CDHR3: variants seen among roughly 807,000 people sequenced by gnomAD.
CDHR3 encodes cadherin related family member 3, also known as cadherin-related family member 3.
In CDHR3, 79 loss-of-function variants were observed where a neutral mutation model predicts 86.6. That is an observed-to-expected ratio of 0.91 (90% CI 0.76 to 1.10). The LOEUF is 1.10. Among genes scored for constraint, CDHR3 ranks in the 50% least tolerant of loss-of-function variants. CDHR3 has a pLI of 0.00. For missense variants in CDHR3, 1,081 were observed against 1,077.6 expected (o/e 1.00, Z -0.04); for synonymous variants, 421 against 402.4 (o/e 1.05, Z -0.55).
chr7:106,005,542 C>T (rs899070564), intron 8 of CDHR3, among the ~76,000 whole-genome samples: 1 of 152,158 alleles, frequency 6.6e-6, no homozygotes, highest in African/African-American at 2.4e-5. Context: ...AAGAGACAGC[C>T]CTGTATCTGG....
At chr7:106,017,578 C>G (rs1173682508) in intron 11 of CDHR3, among the ~76,000 whole-genome samples, 1 of 150,776 alleles carries the variant, frequency 6.6e-6, no homozygotes, top group African/African-American at 2.5e-5. Context: ...CACACACACA[C>G]ACACACACAC....
chr7:105,983,738 T>A (rs1168004060), intron 3 of CDHR3, among the ~76,000 whole-genome samples: 1 of 152,176 alleles, frequency 6.6e-6, no homozygotes, highest in Non-Finnish European at 1.5e-5. Flanking sequence ...CACTGTAAGA[T>A]CCCTCATTTC....
intron 6 of CDHR3, 98 bp downstream of exon 6, chr7:105,996,452 C>T (rs1231062342): frequency 8.0e-6 from 5 of 624,712 alleles, no homozygotes; most frequent in Middle Eastern, 3.7e-4. Context: ...CAGAGGGATG[C>T]CCTTTGCTGT....
chr7:106,025,810 C>T (rs543092463), intron 15 of CDHR3, among the ~76,000 whole-genome samples: 1 of 152,216 alleles, frequency 6.6e-6, no homozygotes, highest in South Asian at 2.1e-4. Context: ...GTAAGAAATC[C>T]TCGAGCATCT....
chr7:105,980,139 T>C (rs1829410675), intron 2 of CDHR3, among the ~76,000 whole-genome samples: 1 of 152,244 alleles, frequency 6.6e-6, no homozygotes, highest in African/African-American at 2.4e-5. Flanking sequence ...TAAGTAAATA[T>C]CATTACTTAC....
intron 10 of CDHR3, 148 bp downstream of exon 10, chr7:106,015,361 A>C: frequency 1.6e-6 from 1 of 628,602 alleles, no homozygotes; most frequent in Non-Finnish European, 2.7e-6. Context: ...GCTGAATTAC[A>C]ACACTTAAGA....
At chr7:106,007,592 A>AAG (rs1563277877) in intron 8 of CDHR3, among the ~76,000 whole-genome samples, 1 of 152,212 alleles carries the variant, frequency 6.6e-6, no homozygotes, top group Non-Finnish European at 1.5e-5. Flanking sequence ...AAAACATAAC[A>AAG]AGAGTCACCT....
chr7:105,999,294 G>A (rs1585680258), intron 6 of CDHR3, among the ~76,000 whole-genome samples: 1 of 152,222 alleles, frequency 6.6e-6, no homozygotes, highest in East Asian at 1.9e-4. Flanking sequence ...TGTCAGGTTA[G>A]CCAAGGAGAG....
chr7:105,996,132 C>G (rs373294364), intron 5 of CDHR3, 118 bp from the exon 6 acceptor site: 243 of 611,224 alleles, frequency 4.0e-4, no homozygotes, highest in African/African-American at 3.9e-3. Context: ...TACGGAGAGG[C>G]TCACCACCAA....
At chr7:106,014,295 C>A (rs1350802529) in intron 9 of CDHR3, among the ~76,000 whole-genome samples, 1 of 152,094 alleles carries the variant, frequency 6.6e-6, no homozygotes, top group African/African-American at 2.4e-5. Context: ...GTTCCAAGAC[C>A]CCTAGTGAAT....
chr7:106,017,763 A>G lies in CDHR3; in HGVS notation c.1427-83A>G, dbSNP rs1049669792. On this transcript the variant is annotated intron_variant, in intron 11 of 18. Transcript: ENST00000317716. Reference sequence around the variant, plus strand: ...GAGGCCTCCAGAAGTCCTTCTTACCATGGCAGTTAGGACATCTGTTCCTGA... The same window carrying G: ...GAGGCCTCCAGAAGTCCTTCTTACCGTGGCAGTTAGGACATCTGTTCCTGA... 7.0e-6 allele frequency: 8 copies of G among 1,136,126 alleles called. No individual in the cohort carries two copies. In the East Asian group the frequency reaches 7.8e-5, roughly 11 times the overall value. 70.4% of individuals were successfully genotyped at this position (1,136,126 alleles called of 1,614,324 possible).
At chr7:106,005,777 G>C (rs1171097335) in intron 8 of CDHR3, among the ~76,000 whole-genome samples, 1 of 152,122 alleles carries the variant, frequency 6.6e-6, no homozygotes, top group Non-Finnish European at 1.5e-5. Flanking sequence ...GTCCCAAATG[G>C]CATGCCCAGT....
intron 4 of CDHR3, among the ~76,000 whole-genome samples, chr7:105,992,287 C>T (rs1454779553): frequency 1.3e-5 from 2 of 152,180 alleles, no homozygotes; most frequent in African/African-American, 4.8e-5. Flanking sequence ...AATCTCCTCC[C>T]CAACCCATGA....
intron 17 of CDHR3, among the ~76,000 whole-genome samples, chr7:106,028,930 T>TTCTC (rs780842066): frequency 5.1e-4 from 62 of 121,046 alleles, no homozygotes; most frequent in Non-Finnish European, 9.0e-4. Flanking sequence ...CTTTCTTTCT[T>TTCTC]TCTTTCTTTC....
intron 17 of CDHR3, 77 bp downstream of exon 17, chr7:106,028,659 G>A (rs2115916924): frequency 6.6e-7 from 1 of 1,513,112 alleles, no homozygotes; most frequent in South Asian, 1.1e-5. Context: ...AGGCAGGCCT[G>A]CCACAGCCTT....
intron 1 of CDHR3, among the ~76,000 whole-genome samples, chr7:105,969,013 G>A (rs976841776): frequency 6.0e-5 from 9 of 149,498 alleles, no homozygotes; most frequent in African/African-American, 2.2e-4. Flanking sequence ...GCATGTACCC[G>A]GGAGGCGGAG....
rs970801434 is a variant in CDHR3, at chr7:106,031,967, C to T, written c.2354-426C>T. Among the ~76,000 whole-genome samples the T allele has an allele frequency of 3.3e-5, 5 of 152,294 alleles. No individual in the cohort carries two copies. In the East Asian group the frequency reaches 9.7e-4, roughly 29 times the overall value. ...AAATAAAAATCAGCCTTTTCCTTCT[C>T]ACTTGGTGAATTCCTTTTTATAGCA... On this transcript the variant is annotated intron_variant, in intron 18 of 18. Transcript: ENST00000317716.
At chr7:106,010,542 T>C (rs563980510) in intron 8 of CDHR3, among the ~76,000 whole-genome samples, 3 of 152,306 alleles carry the variant, frequency 2.0e-5, no homozygotes, top group African/African-American at 7.2e-5. Context: ...GGAGACTCCA[T>C]TACACGCTCC....
At chr7:106,023,812 C>T (rs912037401) in intron 14 of CDHR3, among the ~76,000 whole-genome samples, 3 of 152,174 alleles carry the variant, frequency 2.0e-5, no homozygotes, top group Non-Finnish European at 2.9e-5. Context: ...GAGGAGTTCC[C>T]ACCTTTCTTG....
Sources: gnomAD v4.1 joint callset for allele counts (sites outside exome capture counted in the v4.1 genomes callset) on GRCh38, gnomAD v4.1.1 for gene constraint, MANE v1.5 for transcripts, NCBI Gene and HGNC (gene_info 2026-07-23, HGNC 2026-07-21) for gene names.